ARSJ: variants seen among roughly 807,000 people sequenced by gnomAD.
The protein encoded by ARSJ is arylsulfatase J.
Under a neutral mutation model 35.9 loss-of-function variants are expected in ARSJ, and 26 were observed. The observed-to-expected ratio is 0.72, with a 90% CI of 0.53 to 1.00. ARSJ has a LOEUF of 1.00. Ranked by LOEUF, ARSJ falls within the 50% of genes least tolerant of loss-of-function variation. The pLI is 0.00. For synonymous variants in ARSJ, 294 were observed against 267.6 expected (o/e 1.10, Z -0.96); for missense variants, 667 against 723.6 (o/e 0.92, Z 0.90).
chr4:113,910,543 A>G (rs993253849), intron 1 of ARSJ, among the ~76,000 whole-genome samples: 1 of 152,212 alleles, frequency 6.6e-6, no homozygotes, highest in Admixed American at 6.5e-5. Flanking sequence ...TAGGAAGAAT[A>G]TAACTAATTT....
At chr4:113,976,115 T>C (rs1727576178) in intron 1 of ARSJ, among the ~76,000 whole-genome samples, 1 of 152,190 alleles carries the variant, frequency 6.6e-6, no homozygotes, top group Non-Finnish European at 1.5e-5. Flanking sequence ...CAGATTCGTG[T>C]AGTAAAAGAA....
intron 1 of ARSJ, among the ~76,000 whole-genome samples, chr4:113,910,237 A>G (rs533994821): frequency 6.6e-6 from 1 of 152,284 alleles, no homozygotes; most frequent in Admixed American, 6.5e-5. Flanking sequence ...ATGTGAAGGT[A>G]TATAATTTTT....
intron 1 of ARSJ, among the ~76,000 whole-genome samples, chr4:113,952,774 T>C (rs1027021557): frequency 6.6e-6 from 1 of 152,062 alleles, no homozygotes; most frequent in Non-Finnish European, 1.5e-5. Context: ...ACTTTAGATA[T>C]GGTTCACATA....
intron 1 of ARSJ, among the ~76,000 whole-genome samples, chr4:113,909,628 TG>T (rs970264239): frequency 2.6e-5 from 4 of 152,218 alleles, no homozygotes; most frequent in African/African-American, 9.6e-5. Context: ...TACCGCCATG[TG>T]AAGAAGGATG....
At chr4:113,938,927 T>TTA (rs1724942283) in intron 1 of ARSJ, among the ~76,000 whole-genome samples, 1 of 151,868 alleles carries the variant, frequency 6.6e-6, no homozygotes, top group Non-Finnish European at 1.5e-5. Context: ...AAATTATTAT[T>TTA]ATACTTTAAG....
intron 1 of ARSJ, among the ~76,000 whole-genome samples, chr4:113,938,020 G>T (rs954634980): frequency 1.3e-5 from 2 of 151,914 alleles, no homozygotes; most frequent in South Asian, 2.1e-4. Context: ...ATTCTTCAGA[G>T]AATTAGAAAA....
At chr4:113,905,660 A>ATTTTT (rs766150372) in intron 1 of ARSJ, among the ~76,000 whole-genome samples, 1,448 of 81,850 alleles carry the variant, frequency 0.018, 249 homozygotes, top group East Asian at 0.037. Context: ...GTTCTTGATA[A>ATTTTT]TTTTTTTTTT....
chr4:113,902,335 TTC>T lies in ARSJ; in HGVS notation c.1737_1738del (p.Lys580GlufsTer31). On this transcript the variant is annotated frameshift_variant, in exon 2 of 2. Coordinates refer to ENST00000315366, the MANE Select transcript of ARSJ (RefSeq NM_024590.4). LOFTEE classifies it low-confidence loss of function (END_TRUNC). ...TGAGACTGCTTTCTGCTGTTTCTTC[TTC>T]TTTTTTTTGCTTTTCTTTTGCTTTT... 6.2e-7 allele frequency: 1 copy of T among 1,613,560 alleles called. No individual in the cohort carries two copies. Among genetic ancestry groups the T allele is most frequent in the South Asian group, 1.1e-5 (1 of 91,022 alleles).
At position 113,973,050 on chromosome 4, in the gene ARSJ, A is replaced by G. The variant is rs529211238; in HGVS notation, c.398+5387T>C. Among the ~76,000 whole-genome samples, 185 of 152,214 alleles carry G rather than the reference A, an allele frequency of 1.2e-3. 1 individual carries two copies. The highest frequency in any genetic ancestry group is 2.2e-3 in the Non-Finnish European group (147 of 68,014). On this transcript the variant is annotated intron_variant, in intron 1 of 1. Coordinates refer to ENST00000315366, the MANE Select transcript of ARSJ (RefSeq NM_024590.4). ...CCGGAACCTGATCCCTCATTCACAGATGATCCCAGCACTGGCTCGCTGTCG... is the reference window on the plus strand; with the variant it reads ...CCGGAACCTGATCCCTCATTCACAGGTGATCCCAGCACTGGCTCGCTGTCG...
At chr4:113,953,009 T>A (rs1272553944) in intron 1 of ARSJ, among the ~76,000 whole-genome samples, 2 of 152,092 alleles carry the variant, frequency 1.3e-5, no homozygotes, top group African/African-American at 4.8e-5. Flanking sequence ...CTACTATATA[T>A]CTAGCAATGA....
At position 113,926,291 on chromosome 4, in the gene ARSJ, T is replaced by A. The variant is rs193169421; in HGVS notation, c.399-22616A>T. Among the ~76,000 whole-genome samples the A allele has an allele frequency of 4.2e-3, 632 of 152,262 alleles. 1 individual carries two copies. The highest frequency in any genetic ancestry group is 7.0e-3 in the Non-Finnish European group (475 of 68,000). ...CCTTTGGCTACAGCCCATGAATCAG[T>A]ATATAATTGCACATCCAGCCATTTC... On this transcript the variant is annotated intron_variant, in intron 1 of 1. Transcript: ENST00000315366.
chr4:113,955,004 C>CTTTTTTTTTT (rs771948398), intron 1 of ARSJ, among the ~76,000 whole-genome samples: 1 of 138,212 alleles, frequency 7.2e-6, no homozygotes, highest in Admixed American at 7.2e-5. Context: ...TTTTTCTTTT[C>CTTTTTTTTTT]TTTTTTTTTT....
chr4:113,939,336 G>A (rs948509651), intron 1 of ARSJ, among the ~76,000 whole-genome samples: 9 of 148,830 alleles, frequency 6.0e-5, no homozygotes, highest in African/African-American at 2.0e-4. Context: ...TTGGTTCCAA[G>A]TCTTTGCTAT....
At chr4:113,924,042 TATAA>T (rs1723858599) in intron 1 of ARSJ, among the ~76,000 whole-genome samples, 3 of 3,376 alleles carry the variant, frequency 8.9e-4, no homozygotes, top group Non-Finnish European at 6.8e-3. Context: ...TATAAATATA[TATAA>T]ATATATATAA....
intron 1 of ARSJ, among the ~76,000 whole-genome samples, chr4:113,951,971 G>T (rs1725888315): frequency 6.6e-6 from 1 of 151,930 alleles, no homozygotes; most frequent in African/African-American, 2.4e-5. Flanking sequence ...CTGATTAAAA[G>T]GATTGTCTTT....
intron 1 of ARSJ, among the ~76,000 whole-genome samples, chr4:113,908,757 T>G (rs2099669547): frequency 6.6e-6 from 1 of 152,146 alleles, no homozygotes; most frequent in South Asian, 2.1e-4. Context: ...ATTATAAAAC[T>G]TACACAGAAT....
chr4:113,903,459 AT>A lies in ARSJ; in HGVS notation c.614del (p.Asp205ValfsTer46). 6.2e-7 allele frequency: 1 copy of A among 1,614,144 alleles called. No homozygotes were observed. The highest frequency in any genetic ancestry group is 2.2e-5 in the East Asian group (1 of 44,886). ...TFFGSLLGSG[D>X]YYTHYKCDSP... The stretch of plus-strand genomic sequence containing the variant: ...TGTCACATTTGTAGTGTGTATAGTA[AT>A]CCCCACTTCCCAAAAGGGAACCAAA... On this transcript the variant is annotated frameshift_variant, in exon 2 of 2. Transcript: ENST00000315366. LOFTEE classifies it high-confidence loss of function.
At chr4:113,947,574 A>G (rs6835488) in intron 1 of ARSJ, among the ~76,000 whole-genome samples, 86,025 of 136,158 alleles carry the variant, frequency 0.63, 27,144 homozygotes, top group Middle Eastern at 0.71. Flanking sequence ...GAGGGAGGAA[A>G]GAAGGGAAAG....
intron 1 of ARSJ, among the ~76,000 whole-genome samples, chr4:113,908,491 A>G (rs1042842158): frequency 1.3e-5 from 2 of 152,248 alleles, no homozygotes; most frequent in Non-Finnish European, 2.9e-5. Context: ...CGTCAGCTAT[A>G]TAAGACTACA....
Sources: allele counts gnomAD v4.1 joint callset (sites outside exome capture counted in the v4.1 genomes callset), GRCh38; gene constraint gnomAD v4.1.1; transcripts MANE v1.5; gene names NCBI Gene and HGNC (gene_info 2026-07-23, HGNC 2026-07-21).